The following TMEM177 variants were observed in gnomAD, a reference collection of about 807,000 sequenced individuals.
TMEM177 encodes transmembrane protein 177.
In TMEM177, 4 loss-of-function variants were observed where a neutral mutation model predicts 14.2. The observed-to-expected ratio is 0.28, with a 90% CI of 0.14 to 0.64. The LOEUF is 0.64. Ranked by LOEUF, TMEM177 falls within the 30% of genes least tolerant of loss-of-function variation. TMEM177 has a pLI of 0.82. For missense variants in TMEM177, 344 were observed against 405.2 expected (o/e 0.85, Z 1.30); for synonymous variants, 179 against 174.5 (o/e 1.03, Z -0.20).
chr2:119,694,359 C>T, the TMEM177 span, among the ~76,000 whole-genome samples: 1 of 152,172 alleles, frequency 6.6e-6, no homozygotes, highest in Non-Finnish European at 1.5e-5. Context: ...CACACACACA[C>T]ACCCCTCAGG....
chr2:119,719,087 T>C, the TMEM177 span, among the ~76,000 whole-genome samples: 1 of 152,042 alleles, frequency 6.6e-6, no homozygotes, highest in African/African-American at 2.4e-5. Context: ...TACAGAAAAG[T>C]TCACGAATCA....
At chr2:119,722,242 A>G in the TMEM177 span, among the ~76,000 whole-genome samples, 1 of 152,148 alleles carries the variant, frequency 6.6e-6, no homozygotes, top group Non-Finnish European at 1.5e-5. Context: ...ATAAGCCAGT[A>G]TAGTGGCACA....
At chr2:119,720,403 T>A in the TMEM177 span, among the ~76,000 whole-genome samples, 1 of 152,090 alleles carries the variant, frequency 6.6e-6, no homozygotes, top group Non-Finnish European at 1.5e-5. Flanking sequence ...GCCTCCCTAG[T>A]AGCTGGGATT....
downstream of TMEM177, among the ~76,000 whole-genome samples, chr2:119,690,158 G>C (rs1253927210): frequency 6.6e-6 from 1 of 152,138 alleles, no homozygotes; most frequent in Non-Finnish European, 1.5e-5. Context: ...GGATCGTGGG[G>C]GTGGCTTCTA....
chr2:119,720,429 C>A, the TMEM177 span, among the ~76,000 whole-genome samples: 1 of 152,046 alleles, frequency 6.6e-6, no homozygotes. Flanking sequence ...CATGTGCCAC[C>A]ACGCCCAGCT....
chr2:119,703,036 C>A, the TMEM177 span, among the ~76,000 whole-genome samples: 1 of 151,764 alleles, frequency 6.6e-6, no homozygotes, highest in African/African-American at 2.4e-5. Context: ...GCAAGCTCAC[C>A]GTGGCCCAGG....
chr2:119,723,553 G>T, the TMEM177 span, among the ~76,000 whole-genome samples: 6 of 152,110 alleles, frequency 3.9e-5, no homozygotes, highest in African/African-American at 1.4e-4. Flanking sequence ...AACATCCAAC[G>T]TGAGAAAAAG....
chr2:119,693,699 A>G, the TMEM177 span, among the ~76,000 whole-genome samples: 1 of 152,118 alleles, frequency 6.6e-6, no homozygotes, highest in Non-Finnish European at 1.5e-5. Flanking sequence ...ATGCAGCCTG[A>G]GGAAAAAGGC....
In TMEM177 at chr2:119,681,881, C is replaced by G; in HGVS notation, c.*92C>G. Reference sequence around the variant, plus strand: ...TGTTGGAGCCTTTGGACCTATAGCTCACGGCCAGAAAAATCACTGGCTTTG... The same window carrying G: ...TGTTGGAGCCTTTGGACCTATAGCTGACGGCCAGAAAAATCACTGGCTTTG... On this transcript the variant is annotated 3_prime_UTR_variant, in exon 2 of 2. Coordinates refer to ENST00000272521, the MANE Select transcript of TMEM177 (RefSeq NM_030577.3). 1.6e-6 allele frequency: 2 copies of G among 1,252,970 alleles called. No homozygotes were observed. Among genetic ancestry groups the G allele is most frequent in the Non-Finnish European group, 2.2e-6 (2 of 892,238 alleles). The allele number at this position is 1,252,970 out of a possible 1,614,324, so 77.6% of individuals were successfully genotyped here.
chr2:119,710,563 C>A, the TMEM177 span, among the ~76,000 whole-genome samples: 1 of 152,104 alleles, frequency 6.6e-6, no homozygotes, highest in Non-Finnish European at 1.5e-5. Context: ...AGGGAGGGAC[C>A]CAAAGTCATC....
At chr2:119,705,409 T>C in the TMEM177 span, among the ~76,000 whole-genome samples, 150,812 of 152,284 alleles carry the variant, frequency 0.99, 74,694 homozygotes, top group Middle Eastern at 1. Flanking sequence ...TCCCAAGTCT[T>C]ACAGACTCAT....
the TMEM177 span, among the ~76,000 whole-genome samples, chr2:119,693,875 AACAC>A: frequency 3.7e-3 from 4 of 1,090 alleles, no homozygotes; most frequent in East Asian, 0.02. Context: ...CCACAAACAC[AACAC>A]ACAAACATAC....
chr2:119,715,980 C>T, the TMEM177 span, among the ~76,000 whole-genome samples: 3 of 152,232 alleles, frequency 2.0e-5, no homozygotes, highest in African/African-American at 7.2e-5. Context: ...ACTTTACCCA[C>T]ACCCAGGCAT....
At chr2:119,716,843 G>A in the TMEM177 span, among the ~76,000 whole-genome samples, 8,646 of 152,178 alleles carry the variant, frequency 0.057, 784 homozygotes, top group African/African-American at 0.19. Flanking sequence ...TCACTTTCTC[G>A]TAAGTACATT....
intron 1 of TMEM177, among the ~76,000 whole-genome samples, chr2:119,679,911 C>T (rs1035621351): frequency 6.6e-6 from 1 of 152,166 alleles, no homozygotes; most frequent in Non-Finnish European, 1.5e-5. Context: ...GCCGAAGTAC[C>T]GGAGACTGGG....
At chr2:119,720,701 G>A in the TMEM177 span, among the ~76,000 whole-genome samples, 1 of 152,264 alleles carries the variant, frequency 6.6e-6, no homozygotes, top group Non-Finnish European at 1.5e-5. Flanking sequence ...GAGTGAAAAA[G>A]TGAAAACTCT....
At chr2:119,701,514 C>T in the TMEM177 span, among the ~76,000 whole-genome samples, 3 of 152,058 alleles carry the variant, frequency 2.0e-5, no homozygotes, top group Non-Finnish European at 1.5e-5. Flanking sequence ...GGGTGGGGTG[C>T]GGAGAGCTGA....
At chr2:119,684,193 G>T (rs1414268370), downstream of TMEM177, among the ~76,000 whole-genome samples, 2 of 152,146 alleles carry the variant, frequency 1.3e-5, no homozygotes, top group African/African-American at 2.4e-5. Context: ...TTCCTGAACT[G>T]CTCTCCCCTC....
the TMEM177 span, among the ~76,000 whole-genome samples, chr2:119,719,703 A>G: frequency 6.6e-6 from 1 of 152,164 alleles, no homozygotes; most frequent in Non-Finnish European, 1.5e-5. Flanking sequence ...GGGAAGGTGA[A>G]ATGGAGTGGG....
Sources: allele counts gnomAD v4.1 joint callset (sites outside exome capture counted in the v4.1 genomes callset), GRCh38; gene constraint gnomAD v4.1.1; transcripts MANE v1.5; gene names NCBI Gene and HGNC (gene_info 2026-07-23, HGNC 2026-07-21).